The following CLIC4 variants were observed in gnomAD, a reference collection of about 807,000 sequenced individuals.
CLIC4 encodes the protein chloride intracellular channel protein 4.
In CLIC4, 13 loss-of-function variants were observed where a neutral mutation model predicts 24.6. That is an observed-to-expected ratio of 0.53 (90% CI 0.34 to 0.84). The LOEUF (loss-of-function observed/expected upper bound fraction) is 0.84. Among genes scored for constraint, CLIC4 ranks in the 40% least tolerant of loss-of-function variants. CLIC4 has a pLI of 0.01. For synonymous variants in CLIC4, 104 were observed against 111.3 expected (o/e 0.93, Z 0.41); for missense variants, 227 against 301.7 (o/e 0.75, Z 1.83).
chr1:24,749,172 C>T (rs1638744454), intron 1 of CLIC4, among the ~76,000 whole-genome samples: 1 of 151,558 alleles, frequency 6.6e-6, no homozygotes, highest in African/African-American at 2.4e-5. Flanking sequence ...CGAGATAGTG[C>T]CACTGCACCC....
intron 1 of CLIC4, among the ~76,000 whole-genome samples, chr1:24,773,170 CTTAAAA>C (rs1639093209): frequency 6.6e-6 from 1 of 152,058 alleles, no homozygotes; most frequent in African/African-American, 2.4e-5. Flanking sequence ...AATGTAATCT[CTTAAAA>C]AGAAAAAACT....
chr1:24,830,574 C>T (rs1292199295), intron 4 of CLIC4, among the ~76,000 whole-genome samples: 1 of 151,918 alleles, frequency 6.6e-6, no homozygotes, highest in Non-Finnish European at 1.5e-5. Context: ...AAATTGTTCT[C>T]CAAAAGTCTA....
intron 2 of CLIC4, among the ~76,000 whole-genome samples, chr1:24,813,235 G>A (rs1333791909): frequency 2.0e-5 from 3 of 148,400 alleles, no homozygotes; most frequent in African/African-American, 5.0e-5. Context: ...GTAGAGATGG[G>A]GTTTCACCAT....
chr1:24,777,435 T>A (rs1639154573), intron 1 of CLIC4, among the ~76,000 whole-genome samples: 1 of 151,888 alleles, frequency 6.6e-6, no homozygotes, highest in Non-Finnish European at 1.5e-5. Flanking sequence ...TCCCAGCTAC[T>A]CGGGAGGCTG....
intron 1 of CLIC4, among the ~76,000 whole-genome samples, chr1:24,790,042 C>T (rs573346608): frequency 2.6e-5 from 4 of 152,210 alleles, no homozygotes; most frequent in Non-Finnish European, 5.9e-5. Flanking sequence ...GTCCAAGTGC[C>T]GCACTGGGTT....
At chr1:24,750,887 T>A (rs1638765339) in intron 1 of CLIC4, among the ~76,000 whole-genome samples, 1 of 152,062 alleles carries the variant, frequency 6.6e-6, no homozygotes, top group Non-Finnish European at 1.5e-5. Context: ...TATATATTTA[T>A]AGGCAGATCT....
intron 1 of CLIC4, among the ~76,000 whole-genome samples, chr1:24,750,548 A>G (rs1182269030): frequency 6.6e-6 from 1 of 150,864 alleles, no homozygotes. Flanking sequence ...TATTTTTAGT[A>G]GAGACAAGGT....
At chr1:24,815,315 T>G (rs533999470) in intron 3 of CLIC4, among the ~76,000 whole-genome samples, 4 of 152,078 alleles carry the variant, frequency 2.6e-5, no homozygotes, top group East Asian at 3.9e-4. Flanking sequence ...CTGACCAACA[T>G]GAAGAAACCC....
chr1:24,753,773 T>A (rs1638808688), intron 1 of CLIC4, among the ~76,000 whole-genome samples: 1 of 152,212 alleles, frequency 6.6e-6, no homozygotes, highest in Non-Finnish European at 1.5e-5. Context: ...GTTTAATAAC[T>A]TTTCAGTGGC....
At chr1:24,795,158 G>T (rs963033757) in intron 1 of CLIC4, among the ~76,000 whole-genome samples, 2 of 151,970 alleles carry the variant, frequency 1.3e-5, no homozygotes, top group Non-Finnish European at 2.9e-5. Context: ...TAACAAACCT[G>T]CACATAATAC....
intron 1 of CLIC4, among the ~76,000 whole-genome samples, chr1:24,776,082 A>G (rs182574962): frequency 6.6e-6 from 1 of 152,286 alleles, no homozygotes; most frequent in Non-Finnish European, 1.5e-5. Flanking sequence ...TAGCTGGCCT[A>G]CTTGGAGCCT....
intron 2 of CLIC4, among the ~76,000 whole-genome samples, chr1:24,806,957 G>T (rs1230078120): frequency 1.3e-5 from 2 of 152,026 alleles, no homozygotes; most frequent in African/African-American, 4.8e-5. Flanking sequence ...TTCAGCCTTG[G>T]TTCTTTTTTC....
chr1:24,825,344 A>G (rs1639777560), intron 3 of CLIC4, among the ~76,000 whole-genome samples: 6 of 152,184 alleles, frequency 3.9e-5, no homozygotes, highest in Admixed American at 3.9e-4. Context: ...CACAAGCAGT[A>G]CAAACATTTA....
intron 1 of CLIC4, among the ~76,000 whole-genome samples, chr1:24,748,668 T>C (rs1217318781): frequency 6.6e-6 from 1 of 151,786 alleles, no homozygotes; most frequent in Non-Finnish European, 1.5e-5. Flanking sequence ...CCTGGCTGAT[T>C]TTTGTATTTT....
intron 2 of CLIC4, among the ~76,000 whole-genome samples, chr1:24,805,471 G>T (rs193200552): frequency 9.9e-5 from 15 of 152,074 alleles, no homozygotes; most frequent in East Asian, 3.9e-4. Context: ...GAGGTTTTTT[G>T]TTGTTGTTGT....
At chr1:24,839,792 G>A (rs771352030) in intron 4 of CLIC4, 68 bp from the exon 5 acceptor site, 35 of 1,353,904 alleles carry the variant, frequency 2.6e-5, no homozygotes, top group Admixed American at 8.3e-5. Flanking sequence ...CAAAGAGTCT[G>A]CTTCTCCTTG....
chr1:24,758,305 T>A (rs1638876764), intron 1 of CLIC4, among the ~76,000 whole-genome samples: 1 of 151,748 alleles, frequency 6.6e-6, no homozygotes, highest in Non-Finnish European at 1.5e-5. Context: ...TTGTATGTCC[T>A]AGTCTTTTTT....
At chr1:24,789,412 G>T (rs560283805) in intron 1 of CLIC4, among the ~76,000 whole-genome samples, 2 of 152,270 alleles carry the variant, frequency 1.3e-5, no homozygotes, top group South Asian at 4.1e-4. Flanking sequence ...CAGCTATTCG[G>T]GAGGTTGAGA....
At chr1:24,774,715 C>A (rs1409619890) in intron 1 of CLIC4, among the ~76,000 whole-genome samples, 3 of 152,006 alleles carry the variant, frequency 2.0e-5, no homozygotes, top group African/African-American at 7.3e-5. Flanking sequence ...GGCTTGATCC[C>A]TGGAGATCGA....
Sources: gnomAD v4.1 joint callset for allele counts (sites outside exome capture counted in the v4.1 genomes callset) on GRCh38, gnomAD v4.1.1 for gene constraint, MANE v1.5 for transcripts, NCBI Gene and HGNC (gene_info 2026-07-23, HGNC 2026-07-21) for gene names.